The following ERBB4 variants were observed in gnomAD, a reference collection of about 807,000 sequenced individuals.
ERBB4 encodes the protein erb-b2 receptor tyrosine kinase 4.
In ERBB4, 42 loss-of-function variants were observed where a neutral mutation model predicts 158.0. The observed-to-expected ratio is 0.27, with a 90% CI of 0.21 to 0.34. The LOEUF is 0.34. Among genes scored for constraint, ERBB4 ranks in the 10% least tolerant of loss-of-function variants. ERBB4 has a pLI of 1.00. For synonymous variants in ERBB4, 583 were observed against 558.7 expected, an observed-to-expected ratio of 1.04 and a Z score of -0.61; for missense variants, 1,333 against 1,624.1, an observed-to-expected ratio of 0.82 and a Z score of 3.08.
At chr2:211,831,012 TA>T (rs989319147) in intron 3 of ERBB4, among the ~76,000 whole-genome samples, 8 of 150,798 alleles carry the variant, frequency 5.3e-5, no homozygotes, top group South Asian at 2.1e-4. Flanking sequence ...AAAAAAATAA[TA>T]AAAAAAAACC....
chr2:212,342,017 G>C (rs1292511682), intron 1 of ERBB4, among the ~76,000 whole-genome samples: 1 of 152,128 alleles, frequency 6.6e-6, no homozygotes, highest in Non-Finnish European at 1.5e-5. Context: ...CCAACACGTT[G>C]GGAGGTCAAG....
intron 3 of ERBB4, among the ~76,000 whole-genome samples, chr2:211,864,152 C>G (rs911730350): frequency 5.9e-5 from 9 of 152,198 alleles, no homozygotes; most frequent in African/African-American, 2.2e-4. Context: ...TTTGCCATTT[C>G]TTGATTCCTT....
At chr2:212,526,096 T>C (rs997238928) in intron 1 of ERBB4, among the ~76,000 whole-genome samples, 3 of 152,086 alleles carry the variant, frequency 2.0e-5, no homozygotes, top group Non-Finnish European at 2.9e-5. Context: ...ATGTTACTTA[T>C]AGAAATTTAT....
intron 1 of ERBB4, among the ~76,000 whole-genome samples, chr2:212,468,187 G>A (rs1688935091): frequency 6.6e-6 from 1 of 152,170 alleles, no homozygotes; most frequent in Non-Finnish European, 1.5e-5. Flanking sequence ...ACGTTGGACT[G>A]TGAACTTTTG....
At chr2:211,481,876 T>C (rs2065091772) in intron 20 of ERBB4, among the ~76,000 whole-genome samples, 1 of 151,964 alleles carries the variant, frequency 6.6e-6, no homozygotes, top group Admixed American at 6.6e-5. Flanking sequence ...AAAAACAACT[T>C]AAAAAACTGG....
chr2:211,627,593 C>CA (rs1480397685), intron 17 of ERBB4, among the ~76,000 whole-genome samples: 8 of 152,154 alleles, frequency 5.3e-5, no homozygotes, highest in African/African-American at 2.4e-5. Flanking sequence ...TATCGGTATG[C>CA]AAAATGTGTG....
intron 3 of ERBB4, among the ~76,000 whole-genome samples, chr2:211,861,049 TTATATATATATAAATATAATATA>T (rs1559585416): frequency 1.1e-4 from 1 of 9,048 alleles, no homozygotes; most frequent in African/African-American, 4.2e-4. Context: ...ATTTATATAT[TTATATATATATAAATATAATATA>T]TTTATATATT....
At chr2:212,076,068 G>C (rs2078264685) in intron 2 of ERBB4, among the ~76,000 whole-genome samples, 1 of 151,798 alleles carries the variant, frequency 6.6e-6, no homozygotes, top group Non-Finnish European at 1.5e-5. Context: ...CTAAGAAGCA[G>C]ACACCAAAAG....
Position 211,639,455 on chromosome 2 carries a change from A to C in ERBB4, c.1947-8861T>G, listed in dbSNP as rs558318620. Among the ~76,000 whole-genome samples, 24 of 152,328 alleles carry C rather than the reference A, an allele frequency of 1.6e-4. No homozygotes were observed. The South Asian group carries it at 4.6e-3, about 29-fold the overall frequency. ...ATAATAGAGCAGAAAGTATTACATAAACACTGCTCTGTGAAGAAAAGTGGG... is the reference window on the plus strand; with the variant it reads ...ATAATAGAGCAGAAAGTATTACATACACACTGCTCTGTGAAGAAAAGTGGG... On this transcript the variant is annotated intron_variant, in intron 16 of 27. Transcript: ENST00000342788.
intron 2 of ERBB4, among the ~76,000 whole-genome samples, chr2:212,023,327 G>A (rs570857934): frequency 2.6e-5 from 4 of 151,920 alleles, no homozygotes; most frequent in Admixed American, 1.3e-4. Flanking sequence ...CTGCAATTCT[G>A]TGATCTGTCA....
chr2:211,515,678 A>T (rs543752363), intron 20 of ERBB4, among the ~76,000 whole-genome samples: 2 of 150,948 alleles, frequency 1.3e-5, no homozygotes, highest in South Asian at 4.2e-4. Context: ...GTAATATTTA[A>T]CATAATCCAG....
chr2:212,469,215 C>A (rs769639751), intron 1 of ERBB4, among the ~76,000 whole-genome samples: 2 of 152,090 alleles, frequency 1.3e-5, no homozygotes, highest in Non-Finnish European at 2.9e-5. Context: ...AAATAGTATC[C>A]TTTCAGTATT....
intron 20 of ERBB4, among the ~76,000 whole-genome samples, chr2:211,531,646 A>G (rs2066501808): frequency 6.6e-6 from 1 of 152,152 alleles, no homozygotes; most frequent in Non-Finnish European, 1.5e-5. Flanking sequence ...TTATATCCCA[A>G]AGACAGACAA....
At chr2:212,102,200 T>C (rs1281388252) in intron 2 of ERBB4, among the ~76,000 whole-genome samples, 2 of 150,506 alleles carry the variant, frequency 1.3e-5, no homozygotes, top group Non-Finnish European at 3.0e-5. Context: ...TTCATAATTT[T>C]ATTTTCTCTA....
At chr2:212,538,147 C>T (rs956655051) in intron 1 of ERBB4, among the ~76,000 whole-genome samples, 2 of 152,170 alleles carry the variant, frequency 1.3e-5, no homozygotes, top group South Asian at 2.1e-4. Context: ...ATGTCCCGAA[C>T]AACAGGCGCC....
chr2:211,855,435 T>C (rs1175071695), intron 3 of ERBB4, among the ~76,000 whole-genome samples: 1 of 152,118 alleles, frequency 6.6e-6, no homozygotes, highest in Non-Finnish European at 1.5e-5. Flanking sequence ...AATATTCTCG[T>C]TTTCCTCTAA....
chr2:212,373,646 A>G (rs180755354), intron 1 of ERBB4, among the ~76,000 whole-genome samples: 68 of 150,096 alleles, frequency 4.5e-4, no homozygotes, highest in Non-Finnish European at 8.3e-4. Flanking sequence ...TTATAGTTCT[A>G]TTTTATATGA....
At chr2:211,930,361 C>T (rs1049701094) in intron 3 of ERBB4, among the ~76,000 whole-genome samples, 11 of 152,126 alleles carry the variant, frequency 7.2e-5, no homozygotes, top group Non-Finnish European at 1.6e-4. Context: ...CTGTCAATTA[C>T]CTTATTTACG....
intron 1 of ERBB4, among the ~76,000 whole-genome samples, chr2:212,271,854 A>G (rs1169080917): frequency 6.6e-6 from 1 of 151,796 alleles, no homozygotes. Context: ...GCAGAAGCCA[A>G]GTTAAGAGCT....
Sources: allele counts gnomAD v4.1 joint callset (sites outside exome capture counted in the v4.1 genomes callset), GRCh38; gene constraint gnomAD v4.1.1; transcripts MANE v1.5; gene names NCBI Gene and HGNC (gene_info 2026-07-23, HGNC 2026-07-21).